Variants in LRRC4C observed in about 807,000 individuals in gnomAD.
The protein encoded by LRRC4C is leucine-rich repeat-containing protein 4C.
In LRRC4C, 5 loss-of-function variants were observed where a neutral mutation model predicts 33.6. That is an observed-to-expected ratio of 0.15 (90% CI 0.08 to 0.31). The LOEUF is 0.31. Among genes scored for constraint, LRRC4C ranks in the 10% least tolerant of loss-of-function variants. The probability of loss-of-function intolerance (pLI) is 1.00; values close to 1 mark genes in which losing one functional copy is unlikely to be tolerated. For missense variants in LRRC4C, 560 were observed against 796.7 expected (o/e 0.70, Z 3.58); for synonymous variants, 329 against 302.0 (o/e 1.09, Z -0.93).
chr11:41,124,304 C>T (rs1942627405), intron 1 of LRRC4C, among the ~76,000 whole-genome samples: 1 of 152,128 alleles, frequency 6.6e-6, no homozygotes, highest in African/African-American at 2.4e-5. Context: ...GTAAGTGGAA[C>T]GCCATGATTA....
intron 1 of LRRC4C, among the ~76,000 whole-genome samples, chr11:41,454,545 A>G (rs1956121669): frequency 6.6e-6 from 1 of 152,130 alleles, no homozygotes; most frequent in African/African-American, 2.4e-5. Context: ...AAAGAGCAAT[A>G]TTAACACCTC....
chr11:40,379,121 C>G (rs989413250), intron 3 of LRRC4C, among the ~76,000 whole-genome samples: 2 of 151,960 alleles, frequency 1.3e-5, no homozygotes, highest in African/African-American at 4.8e-5. Context: ...TTATAAAGAG[C>G]AGAGTAACTT....
At chr11:40,558,812 A>G (rs1011385683) in intron 3 of LRRC4C, among the ~76,000 whole-genome samples, 1 of 152,136 alleles carries the variant, frequency 6.6e-6, no homozygotes, top group African/African-American at 2.4e-5. Context: ...CCAGGTATTA[A>G]GCCCAGTACC....
chr11:40,233,334 A>G (rs2136027303), intron 5 of LRRC4C, among the ~76,000 whole-genome samples: 1 of 152,308 alleles, frequency 6.6e-6, no homozygotes, highest in African/African-American at 2.4e-5. Flanking sequence ...AACTGGCATT[A>G]TGTCATCAAT....
chr11:41,355,082 G>T (rs1286492977), intron 1 of LRRC4C, among the ~76,000 whole-genome samples: 2 of 151,978 alleles, frequency 1.3e-5, no homozygotes, highest in East Asian at 3.9e-4. Context: ...GAAAATATGT[G>T]CTAACTCTGC....
intron 1 of LRRC4C, among the ~76,000 whole-genome samples, chr11:40,965,801 G>T (rs11036162): frequency 6.6e-6 from 1 of 151,380 alleles, no homozygotes; most frequent in Non-Finnish European, 1.5e-5. Flanking sequence ...GTCAGGTAGC[G>T]TGATGCCTCC....
At position 40,261,381 on chromosome 11, in the gene LRRC4C, G is replaced by A. The variant is rs1941816361; in HGVS notation, c.-175-19783C>T. Among the ~76,000 whole-genome samples, 7 of 152,076 alleles carry A rather than the reference G, an allele frequency of 4.6e-5. No individual in the cohort carries two copies. The South Asian group carries it at 1.5e-3, about 32-fold the overall frequency. ...AATACCCCTAGATATTTAGGTAAGG[G>A]TTATGTTTTGTCAGAAGGGAAGATC... On this transcript the variant is annotated intron_variant, in intron 4 of 6. Coordinates refer to ENST00000528697, the MANE Select transcript of LRRC4C (RefSeq NM_001258419.2).
At chr11:41,214,776 C>T (rs1417693534) in intron 1 of LRRC4C, among the ~76,000 whole-genome samples, 2 of 137,240 alleles carry the variant, frequency 1.5e-5, no homozygotes, top group Non-Finnish European at 3.1e-5. Context: ...TATATATATA[C>T]ACACATATAT....
At chr11:40,487,670 A>G (rs1006071727) in intron 3 of LRRC4C, among the ~76,000 whole-genome samples, 43 of 152,234 alleles carry the variant, frequency 2.8e-4, no homozygotes, top group Admixed American at 1.9e-3. Context: ...TACAAAAAAA[A>G]TAGAGCTCAT....
chr11:40,847,789 T>C (rs1374326466), intron 2 of LRRC4C, among the ~76,000 whole-genome samples: 3 of 150,426 alleles, frequency 2.0e-5, no homozygotes, highest in African/African-American at 4.9e-5. Flanking sequence ...GGCTTTTTTT[T>C]TTTTTTTTTT....
chr11:41,042,317 G>T (rs1040897171), intron 1 of LRRC4C, among the ~76,000 whole-genome samples: 3 of 151,996 alleles, frequency 2.0e-5, no homozygotes, highest in African/African-American at 7.2e-5. Context: ...ATGCTCAAAG[G>T]TCTATTTGTC....
chr11:40,319,015 G>C (rs1474197390), intron 4 of LRRC4C, among the ~76,000 whole-genome samples: 1 of 152,210 alleles, frequency 6.6e-6, no homozygotes, highest in Non-Finnish European at 1.5e-5. Context: ...GTGCTGTTAG[G>C]TTAAGAAAAT....
intron 2 of LRRC4C, among the ~76,000 whole-genome samples, chr11:40,856,205 C>A (rs1565138503): frequency 6.6e-6 from 1 of 152,036 alleles, no homozygotes; most frequent in Non-Finnish European, 1.5e-5. Flanking sequence ...GGTGTGAATT[C>A]TTAAAACTGT....
chr11:41,252,229 C>G (rs4514400), intron 1 of LRRC4C, among the ~76,000 whole-genome samples: 6,896 of 152,054 alleles, frequency 0.045, 201 homozygotes, highest in South Asian at 0.068. Flanking sequence ...TGGAAAATGT[C>G]GAGGAGAGGT....
chr11:40,800,661 C>T (rs1278442551), intron 2 of LRRC4C, among the ~76,000 whole-genome samples: 1 of 152,028 alleles, frequency 6.6e-6, no homozygotes, highest in Non-Finnish European at 1.5e-5. Flanking sequence ...CTGCCTGTAC[C>T]TTCCAACTCC....
chr11:40,613,286 G>T (rs1961419019), intron 3 of LRRC4C, among the ~76,000 whole-genome samples: 1 of 151,840 alleles, frequency 6.6e-6, no homozygotes, highest in African/African-American at 2.4e-5. Flanking sequence ...CCTATGCTTT[G>T]TCAACTAAGT....
At chr11:40,221,832 C>T (rs1288998909) in intron 5 of LRRC4C, among the ~76,000 whole-genome samples, 1 of 152,048 alleles carries the variant, frequency 6.6e-6, no homozygotes, top group East Asian at 1.9e-4. Context: ...CTTGCTCAAT[C>T]GATCACGACC....
intron 3 of LRRC4C, among the ~76,000 whole-genome samples, chr11:40,436,200 A>G (rs1176619642): frequency 6.6e-6 from 1 of 152,244 alleles, no homozygotes; most frequent in Non-Finnish European, 1.5e-5. Context: ...TAACATGAAC[A>G]AAAATTAGCT....
rs1015619956 is a variant in LRRC4C at position 41,113,220 on chromosome 11, C to T, written c.-495-179497G>A. Among the ~76,000 whole-genome samples the T allele has an allele frequency of 4.6e-5, 7 of 151,964 alleles. No individual in the cohort carries two copies. The East Asian group carries it at 1.2e-3, about 25-fold the overall frequency. ...AAAGGATTAACTTAAATTGATCCAC[C>T]GCTCATCAGCCATAAACATGAGCAA... is the stretch of plus-strand genomic sequence containing the variant. On this transcript the variant is annotated intron_variant, in intron 1 of 6. Transcript: ENST00000528697.
Sources: allele counts gnomAD v4.1 joint callset (sites outside exome capture counted in the v4.1 genomes callset), GRCh38; gene constraint gnomAD v4.1.1; transcripts MANE v1.5; gene names NCBI Gene and HGNC (gene_info 2026-07-23, HGNC 2026-07-21).